Variants in PTPN12 observed in about 807,000 individuals in gnomAD.
PTPN12 encodes tyrosine-protein phosphatase non-receptor type 12.
PTPN12 carries 29 observed loss-of-function variants against 97.6 expected under a neutral mutation model. That is an observed-to-expected ratio of 0.30 (90% CI 0.22 to 0.41). The LOEUF is 0.41. Ranked by LOEUF, PTPN12 falls within the 10% of genes least tolerant of loss-of-function variation. The pLI is 1.00. For missense variants in PTPN12, 819 were observed against 926.0 expected (o/e 0.88, Z 1.50); for synonymous variants, 327 against 300.4 (o/e 1.09, Z -0.91).
chr7:77,607,802 G>A (rs908469428), intron 9 of PTPN12, among the ~76,000 whole-genome samples: 2 of 150,776 alleles, frequency 1.3e-5, no homozygotes, highest in Non-Finnish European at 2.9e-5. Flanking sequence ...TGCCCAGGCT[G>A]GAGTGCGATG....
intron 6 of PTPN12, among the ~76,000 whole-genome samples, chr7:77,594,794 G>T (rs936083296): frequency 6.6e-6 from 1 of 152,006 alleles, no homozygotes; most frequent in Non-Finnish European, 1.5e-5. Context: ...CACCACACCC[G>T]GCCAAACATT....
Position 77,601,680 on chromosome 7 carries a change from T to C in PTPN12, c.695+874T>C, listed in dbSNP as rs548358749. On this transcript the variant is annotated intron_variant, in intron 8 of 17. Transcript: ENST00000248594. ...CCATTGGTGGTAAGATACATACCAATCTCAGAGCTGTTACATTGAGATGAA... is the reference window on the plus strand; with the variant it reads ...CCATTGGTGGTAAGATACATACCAACCTCAGAGCTGTTACATTGAGATGAA... 1.1e-4 allele frequency among the ~76,000 whole-genome samples: 16 copies of C among 152,260 alleles called. No homozygotes were observed. In the South Asian group the frequency reaches 1.2e-3, roughly 12 times the overall value.
intron 1 of PTPN12, among the ~76,000 whole-genome samples, chr7:77,538,320 A>G (rs570168877): frequency 6.5e-4 from 99 of 151,980 alleles, no homozygotes; most frequent in Non-Finnish European, 1.1e-3. Context: ...GGTCCGTGTG[A>G]CTATAGGTTC....
chr7:77,582,641 G>A (rs1010630424), intron 3 of PTPN12, among the ~76,000 whole-genome samples: 1 of 151,812 alleles, frequency 6.6e-6, no homozygotes, highest in Non-Finnish European at 1.5e-5. Flanking sequence ...AAAATTAGCC[G>A]GTCATGGTGG....
chr7:77,586,918 A>G (rs1435232929), intron 5 of PTPN12, among the ~76,000 whole-genome samples: 10 of 152,212 alleles, frequency 6.6e-5, no homozygotes, highest in Non-Finnish European at 2.9e-5. Flanking sequence ...TCCAGGTTTT[A>G]TCATGAGATT....
At chr7:77,540,909 T>A (rs1806941127) in intron 1 of PTPN12, among the ~76,000 whole-genome samples, 1 of 152,224 alleles carries the variant, frequency 6.6e-6, no homozygotes, top group African/African-American at 2.4e-5. Flanking sequence ...CATAAAATAA[T>A]GTTTATTCCA....
At chr7:77,539,103 A>T (rs1584076883) in intron 1 of PTPN12, among the ~76,000 whole-genome samples, 2 of 152,196 alleles carry the variant, frequency 1.3e-5, no homozygotes, top group East Asian at 1.9e-4. Context: ...GGTGGAGGTG[A>T]TATGACTTAG....
At chr7:77,556,217 T>A (rs985150490) in intron 1 of PTPN12, among the ~76,000 whole-genome samples, 1 of 151,954 alleles carries the variant, frequency 6.6e-6, no homozygotes, top group African/African-American at 2.4e-5. Flanking sequence ...TGTGTGAACA[T>A]GCCTGGCTAA....
Position 77,627,264 on chromosome 7 carries a change from G to C in PTPN12, c.1585G>C (p.Asp529His). 6.2e-7 allele frequency: 1 copy of C among 1,614,112 alleles called. No individual in the cohort carries two copies. Among genetic ancestry groups the C allele is most frequent in the Non-Finnish European group, 8.5e-7 (1 of 1,180,002 alleles). Residue 529 changes from aspartate (D) to histidine (H), a missense_variant, in exon 13 of 18, where the codon GAT becomes CAT. Transcript: ENST00000248594. ...TCCAAGGCCAGACCGCTTGCCTCTT[G>C]ATGAGAAAGGACATGTAACGTGGTC... ...TPPRPDRLPL[D>H]EKGHVTWSFH... is the part of the protein sequence containing the mutation.
At chr7:77,631,214 G>C (rs1184064148) in intron 13 of PTPN12, among the ~76,000 whole-genome samples, 2 of 152,272 alleles carry the variant, frequency 1.3e-5, no homozygotes, top group East Asian at 1.9e-4. Context: ...GCAAGAGAGA[G>C]TTCTGGTACT....
rs201356241 is a variant in PTPN12, at chr7:77,581,324, T to C, written c.209-103T>C. 53 of 618,028 alleles carry C rather than the reference T, an allele frequency of 8.6e-5. No homozygotes were observed. The East Asian group carries it at 1.6e-3, about 18-fold the overall frequency. 38.3% of individuals were successfully genotyped at this position (618,028 alleles called of 1,614,324 possible). A position where few individuals can be genotyped will look rare whatever the true frequency, so the allele number is the denominator to read the frequency against. On this transcript the variant is annotated intron_variant, in intron 2 of 17. Transcript: ENST00000248594. ...TAGAGTCCATTTTCATCCATTGTTT[T>C]TTAAAATAAATGTTCTTAAGCTGTC...
chr7:77,597,700 AT>A (rs998306345), intron 6 of PTPN12, 141 bp from the exon 7 acceptor site: 43 of 1,143,772 alleles, frequency 3.8e-5, no homozygotes, highest in Non-Finnish European at 4.5e-5. Context: ...GACTTTTAGA[AT>A]TTTTTTATAA....
rs1210036453 is a variant in PTPN12 at position 77,542,808 on chromosome 7, C to T, written c.99+5163C>T. On this transcript the variant is annotated intron_variant, in intron 1 of 17. Transcript: ENST00000248594. ...TTTAATTTTCAACATGTTAAAACTGCGGTGCCTCTGAGACATCCAGTAGAA... is the reference window on the plus strand; with the variant it reads ...TTTAATTTTCAACATGTTAAAACTGTGGTGCCTCTGAGACATCCAGTAGAA... 2.6e-5 allele frequency among the ~76,000 whole-genome samples: 4 copies of T among 152,140 alleles called. No homozygotes were observed. The South Asian group carries it at 6.2e-4, about 24-fold the overall frequency.
intron 9 of PTPN12, among the ~76,000 whole-genome samples, chr7:77,607,579 A>T (rs1024598554): frequency 2.0e-5 from 3 of 152,222 alleles, no homozygotes; most frequent in East Asian, 1.9e-4. Context: ...AAAAATAATT[A>T]AAAAATAAAA....
chr7:77,569,138 C>A (rs1808372760), intron 1 of PTPN12, among the ~76,000 whole-genome samples: 1 of 152,102 alleles, frequency 6.6e-6, no homozygotes, highest in Non-Finnish European at 1.5e-5. Context: ...CTTAGGTACC[C>A]ATTTCCCTTC....
intron 8 of PTPN12, among the ~76,000 whole-genome samples, chr7:77,605,754 G>T (rs1788350453): frequency 2.0e-5 from 3 of 151,788 alleles, no homozygotes; most frequent in African/African-American, 7.3e-5. Context: ...CCTATGGTAT[G>T]TTACTCTAAA....
rs141630566 is a variant in PTPN12 at position 77,588,111 on chromosome 7, T to C, written c.420+2530T>C. ...TGTGTGTTTCCTGGAGTAGCTCTTTTAATGTCCTCCAAAAACTTTTCCTTT... is the reference window on the plus strand; with the variant it reads ...TGTGTGTTTCCTGGAGTAGCTCTTTCAATGTCCTCCAAAAACTTTTCCTTT... On this transcript the variant is annotated intron_variant, in intron 5 of 17. Coordinates refer to ENST00000248594, the MANE Select transcript of PTPN12 (RefSeq NM_002835.4). Among the ~76,000 whole-genome samples the C allele has an allele frequency of 4.6e-5, 7 of 152,354 alleles. No homozygotes were observed. The East Asian group carries it at 1.3e-3, about 29-fold the overall frequency.
intron 16 of PTPN12, 45 bp from the exon 17 acceptor site, chr7:77,638,579 G>A (rs1249048831): frequency 6.6e-7 from 1 of 1,519,444 alleles, no homozygotes; most frequent in Non-Finnish European, 8.8e-7. Flanking sequence ...TATATATGAT[G>A]CTACAAAGGA....
At chr7:77,540,265 C>T (rs1234086483) in intron 1 of PTPN12, among the ~76,000 whole-genome samples, 1 of 147,840 alleles carries the variant, frequency 6.8e-6, no homozygotes, top group Non-Finnish European at 1.5e-5. Context: ...AGATGTAACA[C>T]CTCGCTGTGT....
Sources: gnomAD v4.1 joint callset for allele counts (sites outside exome capture counted in the v4.1 genomes callset) on GRCh38, gnomAD v4.1.1 for gene constraint, MANE v1.5 for transcripts, NCBI Gene and HGNC (gene_info 2026-07-23, HGNC 2026-07-21) for gene names.